The following LARP4B variants were observed in gnomAD, a reference collection of about 807,000 sequenced individuals.
LARP4B encodes La ribonucleoprotein 4B, also known as la-related protein 4B.
In LARP4B, 12 loss-of-function variants were observed where a neutral mutation model predicts 89.8. That is an observed-to-expected ratio of 0.13 (90% CI 0.09 to 0.22). The LOEUF is 0.22. Ranked by LOEUF, LARP4B falls within the 10% of genes least tolerant of loss-of-function variation. The probability of loss-of-function intolerance (pLI) is 1.00; values close to 1 mark genes in which losing one functional copy is unlikely to be tolerated. For synonymous variants in LARP4B, 367 were observed against 363.3 expected, an observed-to-expected ratio of 1.01 and a Z score of -0.12; for missense variants, 757 against 947.7, an observed-to-expected ratio of 0.80 and a Z score of 2.64.
the LARP4B span, among the ~76,000 whole-genome samples, chr10:955,861 G>A: frequency 6.6e-6 from 1 of 152,068 alleles, no homozygotes. This position sits in a 1 kb window ranked among gnomAD's most constrained non-coding sequence, Gnocchi z 5.2. Context: ...GAGGCCATTT[G>A]GAAACCTGGC....
chr10:973,773 A>G, the LARP4B span, among the ~76,000 whole-genome samples: 1 of 152,166 alleles, frequency 6.6e-6, no homozygotes, highest in Non-Finnish European at 1.5e-5. Flanking sequence ...CAGAGGTTAC[A>G]TGCACTAGAT....
chr10:966,018 T>C, the LARP4B span, among the ~76,000 whole-genome samples: 18,829 of 151,774 alleles, frequency 0.12, 1,510 homozygotes, highest in Non-Finnish European at 0.18. Flanking sequence ...TACGTGTAGA[T>C]GAATTGAATA....
Position 829,374 on chromosome 10 carries a change from A to G in LARP4B, c.1125+11T>C. ...TCTACAACATAAATTCCTAGTAAAG[A>G]AATGACGTACCAAGGGTGGGTCAAG... On this transcript the variant is annotated intron_variant, in intron 11 of 17. Coordinates refer to ENST00000316157, the MANE Select transcript of LARP4B (RefSeq NM_015155.3). 1 of 1,574,122 alleles carries G rather than the reference A, an allele frequency of 6.4e-7. No individual in the cohort carries two copies. Among genetic ancestry groups the G allele is most frequent in the Non-Finnish European group, 8.6e-7 (1 of 1,159,558 alleles).
Position 863,798 on chromosome 10 carries a change from G to A in LARP4B, c.375C>T (p.Asn125=), listed in dbSNP as rs372091745. The part of the protein sequence containing the change: ...DPQESDPADM[N]ALALGPSEYD... ...ATTCTGAGGGACCCAGAGCGAGAGC[G>A]TTCATGTCTGCTGGGTCCGACTCCT... The change falls in exon 5 of 18, where the codon AAC becomes AAT. Residue 125 remains asparagine, a synonymous_variant. Transcript: ENST00000316157. The A allele has an allele frequency of 1.4e-4, 226 of 1,614,106 alleles. No individual in the cohort carries two copies. Among genetic ancestry groups the A allele is most frequent in the Non-Finnish European group, 1.7e-4 (206 of 1,180,010 alleles).
intron 5 of LARP4B, among the ~76,000 whole-genome samples, chr10:851,258 A>T (rs1413562005): frequency 7.0e-6 from 1 of 143,498 alleles, no homozygotes; most frequent in African/African-American, 2.6e-5. Context: ...ATCCTGGCTC[A>T]CTGCAACCTA....
intron 3 of LARP4B, among the ~76,000 whole-genome samples, chr10:876,583 C>A (rs996298210): frequency 1.3e-5 from 2 of 152,146 alleles, no homozygotes; most frequent in African/African-American, 4.8e-5. Context: ...CCTCAAGCAG[C>A]CCCACCCGAT....
chr10:913,674 G>C (rs1836736996), intron 1 of LARP4B, among the ~76,000 whole-genome samples: 1 of 152,214 alleles, frequency 6.6e-6, no homozygotes, highest in Non-Finnish European at 1.5e-5. Context: ...CGGGTGCAGT[G>C]GCTCACGCCT....
chr10:890,623 T>C (rs943139901), intron 1 of LARP4B, among the ~76,000 whole-genome samples: 2 of 152,176 alleles, frequency 1.3e-5, no homozygotes, highest in African/African-American at 4.8e-5. Flanking sequence ...TGGACTGAGA[T>C]TCTAGGTCCT....
chr10:807,230 T>C (rs1358697189), downstream of LARP4B: 2 of 152,184 alleles, frequency 1.3e-5, no homozygotes, highest in Non-Finnish European at 2.9e-5. Context: ...TATGTCCCGT[T>C]AGGACAGGGG....
At chr10:977,821 C>T in the LARP4B span, among the ~76,000 whole-genome samples, 1 of 152,160 alleles carries the variant, frequency 6.6e-6, no homozygotes, top group Non-Finnish European at 1.5e-5. Context: ...TGGGTGTCCA[C>T]AGGGATTCCT....
chr10:808,148 C>A (rs943113733), downstream of LARP4B: 3 of 152,222 alleles, frequency 2.0e-5, no homozygotes, highest in African/African-American at 7.2e-5. Flanking sequence ...ACCTGCTGAC[C>A]CCAGCAGAGC....
chr10:843,644 A>G (rs1271735831), intron 6 of LARP4B, among the ~76,000 whole-genome samples: 1 of 152,182 alleles, frequency 6.6e-6, no homozygotes, highest in African/African-American at 2.4e-5. Context: ...GGTTACAGTG[A>G]GCCAAGATCA....
chr10:833,253 A>AAAAAC, intron 8 of LARP4B, among the ~76,000 whole-genome samples: 2 of 82,348 alleles, frequency 2.4e-5, no homozygotes, highest in African/African-American at 9.4e-5. Context: ...GAGCTTTAAA[A>AAAAAC]AAAAAAAAAA....
intron 1 of LARP4B, among the ~76,000 whole-genome samples, chr10:904,606 G>A (rs963978562): frequency 1.3e-5 from 2 of 151,826 alleles, no homozygotes; most frequent in African/African-American, 4.8e-5. Flanking sequence ...TAAATAAAAT[G>A]AAATAAAATA....
chr10:972,322 C>G, the LARP4B span: 13 of 375,272 alleles, frequency 3.5e-5, no homozygotes, highest in Middle Eastern at 9.0e-4. Flanking sequence ...GCAACCGCAC[C>G]CAGCCTCTCT....
chr10:832,290 G>A (rs762081602), intron 8 of LARP4B, among the ~76,000 whole-genome samples: 2 of 152,076 alleles, frequency 1.3e-5, no homozygotes, highest in South Asian at 4.1e-4. Context: ...TGATCCGCCC[G>A]CCTCAGCCTC....
At chr10:883,074 G>A (rs1217245228) in intron 3 of LARP4B, among the ~76,000 whole-genome samples, 4 of 152,200 alleles carry the variant, frequency 2.6e-5, no homozygotes, top group Non-Finnish European at 4.4e-5. Context: ...TATTATGTTG[G>A]ACTGAAAGTC....
chr10:916,260 T>C (rs954204350), intron 1 of LARP4B, among the ~76,000 whole-genome samples: 1 of 152,260 alleles, frequency 6.6e-6, no homozygotes, highest in Non-Finnish European at 1.5e-5. Flanking sequence ...TGTCTTTAAC[T>C]GTAGCTACTC....
At position 817,759 on chromosome 10, in the gene LARP4B, A is replaced by C; in HGVS notation, c.1661T>G (p.Leu554Arg). The change falls in exon 15 of 18, where the codon CTA (leucine) becomes CGA (arginine). Residue 554 changes from leucine to arginine, a missense_variant. This residue lies in a region of LARP4B where 387 missense variants were observed against 423.6 expected (regional missense o/e 0.91). Coordinates refer to ENST00000316157, the MANE Select transcript of LARP4B (RefSeq NM_015155.3). ...GGATGGTCCTATTATCAAGCTAGAT[A>C]GCCTGTTTTCAAACAAGTCCTCTGT... ...LKTEDLFENR[L>R]SSLIIGPSKE... The C allele has an allele frequency of 3.1e-6, 5 of 1,614,222 alleles. No individual in the cohort carries two copies. Among genetic ancestry groups the C allele is most frequent in the Non-Finnish European group, 4.2e-6 (5 of 1,180,040 alleles).
Sources: gnomAD v4.1 joint callset for allele counts (sites outside exome capture counted in the v4.1 genomes callset) on GRCh38, gnomAD v4.1.1 for gene constraint, gnomAD v4.1.1 regional missense constraint, Gnocchi (gnomAD v3.1) non-coding constraint, MANE v1.5 for transcripts, NCBI Gene and HGNC (gene_info 2026-07-23, HGNC 2026-07-21) for gene names.